Variants in RALYL observed in about 807,000 individuals in gnomAD.
RALYL encodes RALY RNA binding protein like, also known as RNA-binding Raly-like protein.
A neutral mutation model predicts 35.1 loss-of-function variants in RALYL; 29 were observed. The observed-to-expected ratio is 0.83, with a 90% CI of 0.61 to 1.13. The LOEUF (loss-of-function observed/expected upper bound fraction) is 1.13, where lower values mean the gene tolerates loss of function less well. Among genes scored for constraint, RALYL ranks in the 50% most tolerant of loss-of-function variants. The pLI is 0.00. For synonymous variants in RALYL, 120 were observed against 127.6 expected (o/e 0.94, Z 0.40); for missense variants, 359 against 360.4 (o/e 1.00, Z 0.03).
At chr8:84,315,359 A>G (rs1267309433) in intron 1 of RALYL, among the ~76,000 whole-genome samples, 1 of 152,202 alleles carries the variant, frequency 6.6e-6, no homozygotes, top group Non-Finnish European at 1.5e-5. Flanking sequence ...TGATTTGCCA[A>G]GAGTATGTTT....
At chr8:84,809,345 G>A (rs535520002) in intron 4 of RALYL, among the ~76,000 whole-genome samples, 4 of 152,194 alleles carry the variant, frequency 2.6e-5, no homozygotes, top group Admixed American at 6.5e-5. Flanking sequence ...CTTGATCATG[G>A]TGGGTTATCT....
At chr8:84,843,439 T>C (rs966894829) in intron 4 of RALYL, among the ~76,000 whole-genome samples, 3 of 152,076 alleles carry the variant, frequency 2.0e-5, no homozygotes, top group South Asian at 2.1e-4. Context: ...CAAGGAGAAC[T>C]ACAAACCACT....
intron 2 of RALYL, among the ~76,000 whole-genome samples, chr8:84,626,166 G>A (rs1019353189): frequency 1.3e-5 from 2 of 152,124 alleles, no homozygotes; most frequent in African/African-American, 4.8e-5. Context: ...TTTGACTTTT[G>A]AACTTTTGTA....
At chr8:84,860,156 T>C (rs779707281) in intron 5 of RALYL, among the ~76,000 whole-genome samples, 1 of 152,228 alleles carries the variant, frequency 6.6e-6, no homozygotes, top group Non-Finnish European at 1.5e-5. Context: ...TTAAATTACA[T>C]TGCAATTAAA....
chr8:84,756,163 C>T (rs940973465), intron 2 of RALYL, among the ~76,000 whole-genome samples: 2 of 151,774 alleles, frequency 1.3e-5, no homozygotes, highest in African/African-American at 4.8e-5. Flanking sequence ...TTTCTCATCC[C>T]CCCCAAAAAA....
intron 1 of RALYL, among the ~76,000 whole-genome samples, chr8:84,452,020 C>A (rs1416636961): frequency 6.6e-6 from 1 of 151,912 alleles, no homozygotes; most frequent in Non-Finnish European, 1.5e-5. Context: ...CAAATCTGTG[C>A]CCTTTATTGC....
In RALYL at chr8:84,245,303, A is replaced by G. The variant is rs892873460; in HGVS notation, c.-24+60879A>G. Reference sequence around the variant, plus strand: ...AGATGTGCAGAAACACAAAAGACTCATTGAGAAGTTTCTCCTCATAAAATG... The same window carrying G: ...AGATGTGCAGAAACACAAAAGACTCGTTGAGAAGTTTCTCCTCATAAAATG... On this transcript the variant is annotated intron_variant, in intron 1 of 8. Transcript: ENST00000521268. Among the ~76,000 whole-genome samples, 68 of 152,334 alleles carry G rather than the reference A, an allele frequency of 4.5e-4. 1 individual carries two copies. Among genetic ancestry groups the G allele is most frequent in the Admixed American group, 4.3e-3 (66 of 15,290 alleles).
At chr8:84,903,974 G>A (rs1846093193) in intron 8 of RALYL, among the ~76,000 whole-genome samples, 1 of 152,132 alleles carries the variant, frequency 6.6e-6, no homozygotes, top group Non-Finnish European at 1.5e-5. Flanking sequence ...CCATTGTAAG[G>A]GCTGAGTAAA....
chr8:84,676,549 A>G (rs1179973632), intron 2 of RALYL, among the ~76,000 whole-genome samples: 1 of 152,182 alleles, frequency 6.6e-6, no homozygotes, highest in African/African-American at 2.4e-5. Flanking sequence ...GAGATAACTG[A>G]ATCTGTCTCC....
intron 2 of RALYL, among the ~76,000 whole-genome samples, chr8:84,558,965 A>G (rs2061311640): frequency 6.6e-6 from 1 of 152,090 alleles, no homozygotes; most frequent in Non-Finnish European, 1.5e-5. Context: ...TACAAATAAT[A>G]TAGTAAAATC....
chr8:84,877,350 G>A (rs752630877), intron 7 of RALYL, among the ~76,000 whole-genome samples: 19 of 152,092 alleles, frequency 1.2e-4, no homozygotes, highest in Non-Finnish European at 2.4e-4. Flanking sequence ...AGCCGGATGT[G>A]GTGGCACATG....
intron 1 of RALYL, among the ~76,000 whole-genome samples, chr8:84,521,067 T>C (rs2058422690): frequency 6.6e-6 from 1 of 152,164 alleles, no homozygotes; most frequent in Non-Finnish European, 1.5e-5. Context: ...TCAAAATTCA[T>C]ATATTGAAGC....
At chr8:84,689,512 A>G (rs1293237115) in intron 2 of RALYL, among the ~76,000 whole-genome samples, 1 of 152,038 alleles carries the variant, frequency 6.6e-6, no homozygotes, top group Non-Finnish European at 1.5e-5. Context: ...AGTCTTTGCT[A>G]TTGTGAATAG....
intron 1 of RALYL, among the ~76,000 whole-genome samples, chr8:84,523,611 C>T (rs968505658): frequency 6.6e-6 from 1 of 151,042 alleles, no homozygotes; most frequent in African/African-American, 2.4e-5. Flanking sequence ...GTGTGCTGCA[C>T]CCACTAACTC....
chr8:84,658,648 A>G (rs1588826424), intron 2 of RALYL, among the ~76,000 whole-genome samples: 8 of 152,060 alleles, frequency 5.3e-5, no homozygotes, highest in Admixed American at 4.6e-4. Flanking sequence ...TCCAGAGCTG[A>G]TGGTCTCTCT....
chr8:84,426,227 T>C (rs1792348798), intron 1 of RALYL, among the ~76,000 whole-genome samples: 1 of 152,104 alleles, frequency 6.6e-6, no homozygotes, highest in Admixed American at 6.6e-5. Flanking sequence ...TAGTTTTAGT[T>C]TGTTTTTGTG....
At chr8:84,235,336 A>G (rs1423375878) in intron 1 of RALYL, among the ~76,000 whole-genome samples, 2 of 152,216 alleles carry the variant, frequency 1.3e-5, no homozygotes, top group Non-Finnish European at 2.9e-5. Flanking sequence ...GAACCACTTT[A>G]GACATAGATA....
intron 1 of RALYL, among the ~76,000 whole-genome samples, chr8:84,469,173 C>A (rs192084489): frequency 2.5e-3 from 387 of 152,292 alleles, no homozygotes; most frequent in Non-Finnish European, 4.8e-3. Context: ...CAGTTTTGTT[C>A]CATTGCTGGT....
intron 2 of RALYL, among the ~76,000 whole-genome samples, chr8:84,686,714 T>A (rs1362875643): frequency 6.6e-6 from 1 of 152,266 alleles, no homozygotes; most frequent in East Asian, 1.9e-4. Context: ...CATTACATCA[T>A]AATGTTTTTA....
Sources: gnomAD v4.1 joint callset for allele counts (sites outside exome capture counted in the v4.1 genomes callset) on GRCh38, gnomAD v4.1.1 for gene constraint, MANE v1.5 for transcripts, NCBI Gene and HGNC (gene_info 2026-07-23, HGNC 2026-07-21) for gene names.